Variants in PCDH9 observed in about 807,000 individuals in gnomAD.
The protein encoded by PCDH9 is protocadherin-9.
In PCDH9, 24 loss-of-function variants were observed where a neutral mutation model predicts 70.6. The observed-to-expected ratio is 0.34, with a 90% CI of 0.25 to 0.48. PCDH9 has a LOEUF of 0.48. PCDH9 is among the 20% of genes least tolerant of loss of function. The pLI is 0.99. For missense variants in PCDH9, 1,281 were observed against 1,503.6 expected, an observed-to-expected ratio of 0.85 and a Z score of 2.45; for synonymous variants, 562 against 558.5, an observed-to-expected ratio of 1.01 and a Z score of -0.09.
chr13:66,573,442 C>A (rs1055657925), intron 4 of PCDH9, among the ~76,000 whole-genome samples: 3 of 151,936 alleles, frequency 2.0e-5, no homozygotes, highest in Non-Finnish European at 4.4e-5. Context: ...CCTTCTGAAT[C>A]CCTTGTTATC....
intron 4 of PCDH9, among the ~76,000 whole-genome samples, chr13:66,409,882 C>T (rs1254168767): frequency 1.3e-5 from 2 of 152,160 alleles, no homozygotes; most frequent in East Asian, 3.9e-4. Context: ...CCCTAGTAGA[C>T]AGATATGCCT....
chr13:66,595,878 C>T (rs750810505), intron 4 of PCDH9, among the ~76,000 whole-genome samples: 5 of 151,220 alleles, frequency 3.3e-5, no homozygotes, highest in Admixed American at 1.3e-4. Flanking sequence ...GTAAAGTAAG[C>T]GAAAAGAGAA....
At chr13:66,616,888 T>A (rs1283186783) in intron 4 of PCDH9, among the ~76,000 whole-genome samples, 1 of 152,054 alleles carries the variant, frequency 6.6e-6, no homozygotes, top group Non-Finnish European at 1.5e-5. Flanking sequence ...CAAGACACAT[T>A]TTTGTCCCAG....
intron 2 of PCDH9, among the ~76,000 whole-genome samples, chr13:67,028,650 C>T (rs1485840344): frequency 1.3e-5 from 2 of 151,724 alleles, no homozygotes; most frequent in African/African-American, 4.8e-5. Flanking sequence ...GTTAGTTAAC[C>T]CAAGGCTGTA....
chr13:66,401,037 G>C (rs978438916), intron 4 of PCDH9, among the ~76,000 whole-genome samples: 6 of 152,158 alleles, frequency 3.9e-5, no homozygotes, highest in African/African-American at 7.2e-5. Context: ...TGGGGAAATC[G>C]TAAGTGTGTG....
At chr13:67,121,510 A>G (rs2086877255) in intron 2 of PCDH9, among the ~76,000 whole-genome samples, 1 of 152,210 alleles carries the variant, frequency 6.6e-6, no homozygotes, top group African/African-American at 2.4e-5. Context: ...ATCATACAGA[A>G]TAATTACAGT....
chr13:66,475,936 G>A (rs1360223478), intron 4 of PCDH9, among the ~76,000 whole-genome samples: 1 of 151,962 alleles, frequency 6.6e-6, no homozygotes, highest in Non-Finnish European at 1.5e-5. Flanking sequence ...CCTGTCTTCC[G>A]ATTTGTCCCT....
chr13:67,019,035 G>T (rs1228516663), intron 2 of PCDH9, among the ~76,000 whole-genome samples: 2 of 151,914 alleles, frequency 1.3e-5, no homozygotes, highest in East Asian at 3.9e-4. Flanking sequence ...ACAGCACTTT[G>T]ATTCATGTTA....
At chr13:67,010,572 A>C (rs2084434168) in intron 2 of PCDH9, among the ~76,000 whole-genome samples, 1 of 151,992 alleles carries the variant, frequency 6.6e-6, no homozygotes, top group South Asian at 2.1e-4. Flanking sequence ...GATGGCTATT[A>C]TTTGATGAAT....
intron 2 of PCDH9, among the ~76,000 whole-genome samples, chr13:67,042,823 T>C (rs374271900): frequency 6.6e-6 from 1 of 152,146 alleles, no homozygotes; most frequent in African/African-American, 2.4e-5. Context: ...AAGCGAAACA[T>C]GGAATGACAC....
rs149937843 is a variant in PCDH9 at position 66,471,165 on chromosome 13, A to G, written c.3340+160045T>C. 3.9e-3 allele frequency among the ~76,000 whole-genome samples: 598 copies of G among 152,128 alleles called. 2 individuals carry two copies. The highest frequency in any genetic ancestry group is 5.8e-3 in the Admixed American group (88 of 15,244). On this transcript the variant is annotated intron_variant, in intron 4 of 4. Transcript: ENST00000377865. ...AAAATCAATCTTTGTTTTCTACTTAATATTTTTAGCTATGGTTTTAAAAGG... is the reference window on the plus strand; with the variant it reads ...AAAATCAATCTTTGTTTTCTACTTAGTATTTTTAGCTATGGTTTTAAAAGG...
intron 4 of PCDH9, among the ~76,000 whole-genome samples, chr13:66,331,723 C>G (rs1955944108): frequency 6.6e-6 from 1 of 152,078 alleles, no homozygotes; most frequent in Non-Finnish European, 1.5e-5. Context: ...ACAGAGTATC[C>G]CCTTGAGGGT....
intron 3 of PCDH9, among the ~76,000 whole-genome samples, chr13:66,898,152 A>G (rs1458235522): frequency 6.6e-6 from 1 of 152,052 alleles, no homozygotes; most frequent in East Asian, 1.9e-4. Context: ...ACTGAGATGT[A>G]AAATATTGCT....
At chr13:66,510,615 G>T (rs1312692954) in intron 4 of PCDH9, among the ~76,000 whole-genome samples, 1 of 152,018 alleles carries the variant, frequency 6.6e-6, no homozygotes, top group African/African-American at 2.4e-5. Context: ...GCGGTGTTTG[G>T]TTTTTTGTCC....
intron 3 of PCDH9, among the ~76,000 whole-genome samples, chr13:66,873,019 A>C (rs540942642): frequency 3.3e-5 from 5 of 152,268 alleles, no homozygotes; most frequent in African/African-American, 9.6e-5. Context: ...CTTGAGTTCT[A>C]ATATCTAACC....
intron 4 of PCDH9, among the ~76,000 whole-genome samples, chr13:66,528,279 C>T (rs1363825006): frequency 1.3e-5 from 2 of 152,220 alleles, no homozygotes; most frequent in South Asian, 2.1e-4. Flanking sequence ...CTCAGCAGTT[C>T]GCTTCACAGG....
At chr13:66,815,051 A>G (rs897413361) in intron 3 of PCDH9, among the ~76,000 whole-genome samples, 13 of 152,192 alleles carry the variant, frequency 8.5e-5, no homozygotes, top group African/African-American at 2.7e-4. Flanking sequence ...AGTAACTTAA[A>G]CAAATCAGCA....
At chr13:67,159,760 A>G (rs2087906567) in intron 2 of PCDH9, among the ~76,000 whole-genome samples, 1 of 152,218 alleles carries the variant, frequency 6.6e-6, no homozygotes, top group African/African-American at 2.4e-5. Context: ...AAACAAATTC[A>G]TTCAGGGAAA....
intron 4 of PCDH9, among the ~76,000 whole-genome samples, chr13:66,336,762 A>G (rs1247317228): frequency 6.6e-6 from 1 of 151,998 alleles, no homozygotes; most frequent in African/African-American, 2.4e-5. Context: ...TGTTTATCCT[A>G]ATAGAGAAGT....
Sources: allele counts gnomAD v4.1 joint callset (sites outside exome capture counted in the v4.1 genomes callset), GRCh38; gene constraint gnomAD v4.1.1; transcripts MANE v1.5; gene names NCBI Gene and HGNC (gene_info 2026-07-23, HGNC 2026-07-21).